The following PCDHA1 variants were observed in gnomAD, a reference collection of about 807,000 sequenced individuals.
The protein encoded by PCDHA1 is protocadherin alpha 1, also known as protocadherin alpha-1.
PCDHA1 carries 42 observed loss-of-function variants against 61.3 expected under a neutral mutation model. The ratio of observed to expected loss-of-function variants is 0.69; its 90% CI spans 0.54 to 0.89. The LOEUF is 0.89. Ranked by LOEUF, PCDHA1 falls within the 40% of genes least tolerant of loss-of-function variation. PCDHA1 has a pLI of 0.00. For missense variants in PCDHA1, 1,256 were observed against 1,235.3 expected, an observed-to-expected ratio of 1.02 and a Z score of -0.25; for synonymous variants, 610 against 553.8, an observed-to-expected ratio of 1.10 and a Z score of -1.43.
At chr5:140,978,240 C>T (rs1290697340) in intron 1 of PCDHA1, among the ~76,000 whole-genome samples, 3 of 152,174 alleles carry the variant, frequency 2.0e-5, no homozygotes, top group African/African-American at 7.2e-5. Context: ...TGGATTTCAG[C>T]TACTCCCTGT....
chr5:140,995,544 A>T (rs2097688289), intron 3 of PCDHA1, among the ~76,000 whole-genome samples: 1 of 152,234 alleles, frequency 6.6e-6, no homozygotes, highest in African/African-American at 2.4e-5. Context: ...ATAAGGGGCG[A>T]TCACTGTACT....
At chr5:140,823,642 G>C (rs2150127813) in intron 1 of PCDHA1, 2 of 1,614,036 alleles carry the variant, frequency 1.2e-6, no homozygotes, top group South Asian at 2.2e-5. Context: ...CCCGTTCCGC[G>C]TGGGGCTGTA....
chr5:140,797,829 A>G (rs1223616665), intron 1 of PCDHA1, among the ~76,000 whole-genome samples: 1 of 151,736 alleles, frequency 6.6e-6, no homozygotes, highest in Non-Finnish European at 1.5e-5. Flanking sequence ...TGTCTATGCA[A>G]TAGTTAATAA....
In PCDHA1 at chr5:140,928,550, C is replaced by T. The variant is rs781857799; in HGVS notation, c.2395-50399C>T. The T allele has an allele frequency of 3.7e-6, 6 of 1,614,160 alleles. No individual in the cohort carries two copies. Among genetic ancestry groups the T allele is most frequent in the South Asian group, 3.3e-5 (3 of 91,084 alleles). On this transcript the variant is annotated intron_variant, in intron 1 of 3. Transcript: ENST00000504120. ...GTGGTAGATAGGAATGACAATTATC[C>T]GGTTATCTTGTTTCCCTTGCCCAGA...
In PCDHA1 at chr5:141,011,905, G is replaced by C. The variant is rs1400272126; in HGVS notation, c.*1968G>C. 4 of 153,222 alleles carry C rather than the reference G, an allele frequency of 2.6e-5. No individual in the cohort carries two copies. Among genetic ancestry groups the C allele is most frequent in the African/African-American group, 9.7e-5 (4 of 41,224 alleles). The allele number at this position is 153,222 out of a possible 1,614,324, so 9.5% of individuals were successfully genotyped here. A position where few individuals can be genotyped will look rare whatever the true frequency, so the allele number is the denominator to read the frequency against. ...TTGATTAATTATATTATCTATTTAG[G>C]CATTAATATAAAAGAGGTAGGAGTC... On this transcript the variant is annotated 3_prime_UTR_variant, in exon 4 of 4. Coordinates refer to ENST00000504120, the MANE Select transcript of PCDHA1 (RefSeq NM_018900.4).
Position 141,010,415 on chromosome 5 carries a change from C to T in PCDHA1, c.*478C>T. ...ACGAGCCAGCTTAGACTAATTGGTA[C>T]AAGGAAGGCAAGAAAACAAAGACAA... On this transcript the variant is annotated 3_prime_UTR_variant, in exon 4 of 4. Transcript: ENST00000504120. 1 of 1,160,734 alleles carries T rather than the reference C, an allele frequency of 8.6e-7. No homozygotes were observed. 71.9% of individuals were successfully genotyped at this position (1,160,734 alleles called of 1,614,324 possible).
chr5:140,945,048 A>G (rs2093731802), intron 1 of PCDHA1, among the ~76,000 whole-genome samples: 1 of 152,182 alleles, frequency 6.6e-6, no homozygotes, highest in South Asian at 2.1e-4. Context: ...GGTCTTATAT[A>G]AAGAAAACCC....
chr5:140,828,989 G>C, intron 1 of PCDHA1: 1 of 1,613,984 alleles, frequency 6.2e-7, no homozygotes, highest in South Asian at 1.1e-5. Context: ...TCGAAATACG[G>C]GAGAAATAGT....
intron 1 of PCDHA1, chr5:140,836,463 G>T: frequency 6.2e-7 from 1 of 1,613,838 alleles, no homozygotes. Flanking sequence ...GACCGAGCTG[G>T]TGGATGTCAA....
chr5:140,823,699 C>T lies in PCDHA1; in HGVS notation c.2394+35015C>T, dbSNP rs1377406671. The T allele has an allele frequency of 1.9e-6, 3 of 1,613,816 alleles. No homozygotes were observed. In the African/African-American group the frequency reaches 4.0e-5, roughly 22 times the overall value. ...ACGCTCTCTGGATGAGACCGAAGCA[C>T]CGCGCCACCGCCTTCTGGTGCTGGT... On this transcript the variant is annotated intron_variant, in intron 1 of 3. Coordinates refer to ENST00000504120, the MANE Select transcript of PCDHA1 (RefSeq NM_018900.4).
chr5:140,796,469 G>C (rs1762087960), intron 1 of PCDHA1: 1 of 1,612,176 alleles, frequency 6.2e-7, no homozygotes, highest in South Asian at 1.1e-5. Flanking sequence ...GTGGGCGAGC[G>C]CGCGTTGTCG....
At chr5:140,990,007 C>T (rs1188956345) in intron 3 of PCDHA1, among the ~76,000 whole-genome samples, 2 of 151,870 alleles carry the variant, frequency 1.3e-5, no homozygotes, top group African/African-American at 2.4e-5. Flanking sequence ...TCTCCAAGGG[C>T]GTGGGCTAGG....
Position 140,846,597 on chromosome 5 carries a change from A to C in PCDHA1, c.2394+57913A>C, listed in dbSNP as rs2150392674. 8.1e-5 allele frequency among the ~76,000 whole-genome samples: 12 copies of C among 148,550 alleles called. 1 individual carries two copies. The East Asian group carries it at 2.3e-3, about 29-fold the overall frequency. On this transcript the variant is annotated intron_variant, in intron 1 of 3. Coordinates refer to ENST00000504120, the MANE Select transcript of PCDHA1 (RefSeq NM_018900.4). ...CACCATGTTAGCCAGGATGGTCTCG[A>C]TCTCCTGACCTCCTGATCCGCCCAC...
chr5:140,923,566 C>T lies in PCDHA1; in HGVS notation c.2395-55383C>T, dbSNP rs149499154. ...AAATGAAATATCAGCAATGAAAGGT[C>T]CTGCTAAAGAGAAGGTTTGTTAATT... On this transcript the variant is annotated intron_variant, in intron 1 of 3. Coordinates refer to ENST00000504120, the MANE Select transcript of PCDHA1 (RefSeq NM_018900.4). 8.1e-3 allele frequency among the ~76,000 whole-genome samples: 1,228 copies of T among 152,208 alleles called. 6 individuals carry two copies. The highest frequency in any genetic ancestry group is 0.019 in the African/African-American group (794 of 41,538).
chr5:140,946,631 T>TATATATATATATATATATATATATACAC lies in PCDHA1; in HGVS notation c.2395-32317_2395-32316insTATATATATATATATATATATATACACA, dbSNP rs57893927. 8.3e-4 allele frequency among the ~76,000 whole-genome samples: 109 copies of TATATATATATATATATATATATATACAC among 131,802 alleles called. 1 individual carries two copies. The highest frequency in any genetic ancestry group is 3.6e-3 in the African/African-American group (102 of 28,672). 86.5% of individuals were successfully genotyped at this position (131,802 alleles called of 152,430 possible). A position where few individuals can be genotyped will look rare whatever the true frequency, so the allele number is the denominator to read the frequency against. On this transcript the variant is annotated intron_variant, in intron 1 of 3. Transcript: ENST00000504120. ...TGTGAAATATATATATATATATATA[T>TATATATATATATATATATATATATACAC]ACAATGGAATACTCATCAGCCATTA...
intron 1 of PCDHA1, among the ~76,000 whole-genome samples, chr5:140,923,225 AGCCCAGAAG>A (rs2081250184): frequency 4.2e-5 from 3 of 71,942 alleles, no homozygotes; most frequent in Admixed American, 3.0e-4. Flanking sequence ...GGATCGTTTG[AGCCCAGAAG>A]TTTGAGACCA....
Position 140,828,897 on chromosome 5 carries a change from G to T in PCDHA1, c.2394+40213G>T, listed in dbSNP as rs2150160377. ...GTTATCAGACTGAATGCTTCTGATC[G>T]GGATGAAGGAGCGAATGGGGCAATT... On this transcript the variant is annotated intron_variant, in intron 1 of 3. Coordinates refer to ENST00000504120, the MANE Select transcript of PCDHA1 (RefSeq NM_018900.4). 1.5e-5 allele frequency: 25 copies of T among 1,614,052 alleles called. No homozygotes were observed. In the African/African-American group the frequency reaches 3.1e-4, roughly 20 times the overall value.
At chr5:140,958,339 G>A (rs1177083248) in intron 1 of PCDHA1, among the ~76,000 whole-genome samples, 2 of 152,024 alleles carry the variant, frequency 1.3e-5, no homozygotes, top group African/African-American at 4.8e-5. Context: ...TAAATCACAG[G>A]AAGTTCACAG....
chr5:140,927,630 A>G (rs1408351955), intron 1 of PCDHA1: 3 of 1,614,064 alleles, frequency 1.9e-6, no homozygotes, highest in Non-Finnish European at 2.5e-6. Flanking sequence ...CAGAGACTGC[A>G]CCCAATGGGA....
Sources: allele counts gnomAD v4.1 joint callset (sites outside exome capture counted in the v4.1 genomes callset), GRCh38; gene constraint gnomAD v4.1.1; transcripts MANE v1.5; gene names NCBI Gene and HGNC (gene_info 2026-07-23, HGNC 2026-07-21).